Variants in PDS5A observed in about 807,000 individuals in gnomAD.
The protein encoded by PDS5A is sister chromatid cohesion protein PDS5 homolog A.
Under a neutral mutation model 167.1 loss-of-function variants are expected in PDS5A, and 42 were observed. The ratio of observed to expected loss-of-function variants is 0.25; its 90% confidence interval spans 0.20 to 0.33. The LOEUF is 0.33. Ranked by LOEUF, PDS5A falls within the 10% of genes least tolerant of loss-of-function variation. PDS5A has a pLI of 1.00. For missense variants in PDS5A, 1,033 were observed against 1,605.9 expected, an observed-to-expected ratio of 0.64 and a Z score of 6.10; for synonymous variants, 553 against 554.6, an observed-to-expected ratio of 1.00 and a Z score of 0.04.
chr4:39,973,253 T>A, intron 2 of PDS5A: 1 of 1,409,586 alleles, frequency 7.1e-7, no homozygotes, highest in South Asian at 1.2e-5. Flanking sequence ...CTCGAGCATA[T>A]GAACATTTGC....
intron 7 of PDS5A, among the ~76,000 whole-genome samples, chr4:39,917,441 G>T (rs143496463): frequency 6.6e-6 from 1 of 152,178 alleles, no homozygotes; most frequent in Non-Finnish European, 1.5e-5. Flanking sequence ...TTTGTTGGGT[G>T]TATTTCAAAT....
chr4:39,918,456 A>T, intron 7 of PDS5A, among the ~76,000 whole-genome samples: 1 of 152,174 alleles, frequency 6.6e-6, no homozygotes, highest in Non-Finnish European at 1.5e-5. Flanking sequence ...CATGCAGAAG[A>T]ATTAAATTTT....
At chr4:39,917,013 A>C in intron 8 of PDS5A, 35 bp downstream of exon 8, 3 of 1,206,004 alleles carry the variant, frequency 2.5e-6, no homozygotes, top group Non-Finnish European at 3.3e-6. Context: ...AAACAAAAAA[A>C]TTAAAAAAAA....
chr4:39,956,194 C>T (rs912971315), intron 2 of PDS5A, among the ~76,000 whole-genome samples: 1 of 151,414 alleles, frequency 6.6e-6, no homozygotes, highest in Non-Finnish European at 1.5e-5. Flanking sequence ...CAGTGGATTA[C>T]AGTATTAAAC....
intron 10 of PDS5A, 167 bp downstream of exon 10, chr4:39,910,077 G>A (rs1317015479): frequency 2.1e-6 from 1 of 469,738 alleles, no homozygotes; most frequent in African/African-American, 2.0e-5. Flanking sequence ...GATTTTAAAT[G>A]TAATTTTATT....
intron 32 of PDS5A, among the ~76,000 whole-genome samples, chr4:39,833,191 C>CAAAAAAAAAAAAAAAAAAAAAAA (rs1166233113): frequency 2.6e-5 from 1 of 37,928 alleles, no homozygotes. Flanking sequence ...AACTCCGTCT[C>CAAAAAAAAAAAAAAAAAAAAAAA]AAAAAAAAAA....
chr4:39,844,748 T>A lies in PDS5A; in HGVS notation c.3456A>T (p.Gly1152=), dbSNP rs763538427. The A allele has an allele frequency of 6.2e-7, 1 of 1,613,668 alleles. No homozygotes were observed. Among genetic ancestry groups the A allele is most frequent in the Non-Finnish European group, 8.5e-7 (1 of 1,179,766 alleles). ...GAVNKPLSAT[G]RKPYVRSTGT... ...CAGTGCTTCTAACATAGGGTTTCCTTCCCGTTGCTGATAAAGGCTTATTTA... is the reference window on the plus strand; with the variant it reads ...CAGTGCTTCTAACATAGGGTTTCCTACCCGTTGCTGATAAAGGCTTATTTA... Residue 1152 remains glycine, a synonymous_variant, in exon 30 of 33, where the codon GGA becomes GGT. Coordinates refer to ENST00000303538, the MANE Select transcript of PDS5A (RefSeq NM_001100399.2).
At chr4:39,852,711 C>G (rs1718220464) in intron 26 of PDS5A, among the ~76,000 whole-genome samples, 1 of 152,272 alleles carries the variant, frequency 6.6e-6, no homozygotes, top group South Asian at 2.1e-4. Context: ...TCCTAGGAAG[C>G]TTGTGCCATT....
At chr4:39,961,019 T>C (rs1729429496) in intron 2 of PDS5A, among the ~76,000 whole-genome samples, 1 of 148,428 alleles carries the variant, frequency 6.7e-6, no homozygotes, top group Non-Finnish European at 1.5e-5. Flanking sequence ...GGTGGGGGTC[T>C]CACCGGCCTT....
intron 18 of PDS5A, among the ~76,000 whole-genome samples, chr4:39,877,370 AC>A (rs1458540229): frequency 6.6e-6 from 1 of 152,178 alleles, no homozygotes; most frequent in African/African-American, 2.4e-5. Flanking sequence ...GACACAACTA[AC>A]AGACAGCCTT....
At chr4:39,974,105 G>A in intron 2 of PDS5A, 1 of 553,732 alleles carries the variant, frequency 1.8e-6, no homozygotes, top group Non-Finnish European at 3.5e-6. Context: ...CTGGGCGACA[G>A]AGCGAGACTC....
At chr4:39,877,295 G>A (rs1578653217) in intron 18 of PDS5A, 142 bp from the exon 19 acceptor site, 4 of 449,328 alleles carry the variant, frequency 8.9e-6, no homozygotes, top group Non-Finnish European at 7.5e-6. Flanking sequence ...TCTCCTAGCC[G>A]TCCTTGCAGT....
chr4:39,919,722 A>G (rs1724741411), intron 7 of PDS5A, among the ~76,000 whole-genome samples: 1 of 152,224 alleles, frequency 6.6e-6, no homozygotes, highest in African/African-American at 2.4e-5. Context: ...ATTAGTTGCT[A>G]TAAGGTAGTG....
chr4:39,845,326 C>A lies in PDS5A; in HGVS notation c.3402+492G>T, dbSNP rs1404573041. Reference sequence around the variant, plus strand: ...ATTAATGTATCCTTTATTATTCAATCAAAATACAAAGTTCCCCTAAAATAT... The same window carrying A: ...ATTAATGTATCCTTTATTATTCAATAAAAATACAAAGTTCCCCTAAAATAT... On this transcript the variant is annotated intron_variant, in intron 29 of 32. Coordinates refer to ENST00000303538, the MANE Select transcript of PDS5A (RefSeq NM_001100399.2). Among the ~76,000 whole-genome samples the A allele has an allele frequency of 3.3e-5, 5 of 152,174 alleles. No individual in the cohort carries two copies. The South Asian group carries it at 1.0e-3, about 32-fold the overall frequency.
At chr4:39,829,005 T>G (rs536505961) in intron 32 of PDS5A, among the ~76,000 whole-genome samples, 1 of 152,228 alleles carries the variant, frequency 6.6e-6, no homozygotes, top group African/African-American at 2.4e-5. Flanking sequence ...AACCCAGGGC[T>G]GAACTTAGTG....
chr4:39,930,246 A>AAAAAAAAAAAAAAAAATTTTTTTTTTT, intron 2 of PDS5A, among the ~76,000 whole-genome samples: 1 of 93,090 alleles, frequency 1.1e-5, no homozygotes, highest in Non-Finnish European at 2.2e-5. Context: ...AAAAAAAAAA[A>AAAAAAAAAAAAAAAAATTTTTTTTTTT]GTTTTTTTGT....
intron 2 of PDS5A, among the ~76,000 whole-genome samples, chr4:39,975,106 CAAAAAAAA>C (rs57418654): frequency 1.2e-5 from 1 of 85,246 alleles, no homozygotes; most frequent in African/African-American, 4.6e-5. Context: ...GACTCCGTCT[CAAAAAAAA>C]AAAAAAAAAA....
intron 11 of PDS5A, among the ~76,000 whole-genome samples, chr4:39,906,600 C>T (rs1723368847): frequency 6.7e-6 from 1 of 149,556 alleles, no homozygotes; most frequent in African/African-American, 2.5e-5. Context: ...AAAAAAAAAT[C>T]TGTGTATTAA....
chr4:39,890,228 C>T (rs149728144), intron 17 of PDS5A, 21 bp downstream of exon 17: 17 of 1,247,722 alleles, frequency 1.4e-5, no homozygotes, highest in Admixed American at 1.3e-4. Context: ...TATTTTTGAG[C>T]GAATATACTT....
Sources: gnomAD v4.1 joint callset for allele counts (sites outside exome capture counted in the v4.1 genomes callset) on GRCh38, gnomAD v4.1.1 for gene constraint, MANE v1.5 for transcripts, NCBI Gene and HGNC (gene_info 2026-07-23, HGNC 2026-07-21) for gene names.